Variants in AGBL1 observed in about 807,000 individuals in gnomAD.
The protein encoded by AGBL1 is AGBL carboxypeptidase 1, also known as cytosolic carboxypeptidase 4.
In AGBL1, 130 loss-of-function variants were observed where a neutral mutation model predicts 118.9. The observed-to-expected ratio is 1.09, with a 90% CI of 0.95 to 1.26. The LOEUF (loss-of-function observed/expected upper bound fraction) is 1.26, where lower values mean the gene tolerates loss of function less well. AGBL1 is among the 50% of genes most tolerant of loss of function. AGBL1 has a pLI of 0.00. For synonymous variants in AGBL1, 555 were observed against 478.9 expected (o/e 1.16, Z -2.08); for missense variants, 1,584 against 1,298.1 (o/e 1.22, Z -3.38).
chr15:86,796,073 C>A (rs1287882055), intron 22 of AGBL1, among the ~76,000 whole-genome samples: 1 of 152,070 alleles, frequency 6.6e-6, no homozygotes, highest in African/African-American at 2.4e-5. Flanking sequence ...CTATGAGGCA[C>A]ACATTGGTAC....
chr15:86,084,875 A>G (rs1373470), intron 1 of AGBL1, among the ~76,000 whole-genome samples: 79,857 of 151,598 alleles, frequency 0.53, 22,754 homozygotes, highest in Non-Finnish European at 0.66. Flanking sequence ...TCATCCACCC[A>G]TCCACCTATC....
chr15:86,636,132 G>T (rs1332976411), intron 21 of AGBL1, among the ~76,000 whole-genome samples: 2 of 152,184 alleles, frequency 1.3e-5, no homozygotes, highest in Non-Finnish European at 2.9e-5. Flanking sequence ...AAATATGATG[G>T]AGGGGACTGG....
At chr15:86,221,539 T>C (rs1332112647) in intron 5 of AGBL1, among the ~76,000 whole-genome samples, 1 of 152,206 alleles carries the variant, frequency 6.6e-6, no homozygotes, top group African/African-American at 2.4e-5. Flanking sequence ...GCAGCAATGA[T>C]GAGAGTGGAC....
chr15:86,611,620 C>T (rs55650546), intron 21 of AGBL1, among the ~76,000 whole-genome samples: 2,200 of 152,210 alleles, frequency 0.014, 63 homozygotes, highest in African/African-American at 0.051. Flanking sequence ...ATGTGGAAAT[C>T]TTTGCTGATT....
chr15:86,696,174 G>T (rs975817098), intron 22 of AGBL1, among the ~76,000 whole-genome samples: 1 of 151,902 alleles, frequency 6.6e-6, no homozygotes, highest in African/African-American at 2.4e-5. Context: ...TGCTGTCAGT[G>T]GAGTATTGAA....
intron 1 of AGBL1, among the ~76,000 whole-genome samples, chr15:86,128,349 G>C (rs1466615446): frequency 6.6e-6 from 1 of 152,068 alleles, no homozygotes; most frequent in Non-Finnish European, 1.5e-5. Context: ...CCACCCCCAT[G>C]ATTCAATGAT....
downstream of AGBL1, among the ~76,000 whole-genome samples, chr15:86,917,144 G>A (rs1256634015): frequency 6.6e-6 from 1 of 152,128 alleles, no homozygotes; most frequent in Middle Eastern, 3.2e-3. This position sits in a 1 kb window ranked among gnomAD's most constrained non-coding sequence, Gnocchi z 4.8. Context: ...GGAGTTTGAT[G>A]CCACCCTGGG....
In AGBL1 at chr15:86,996,293, A is replaced by T. The variant is rs550391117; in HGVS notation, c.3323+8205A>T. Among the ~76,000 whole-genome samples the T allele has an allele frequency of 3.9e-5, 6 of 152,312 alleles. No individual in the cohort carries two copies. In the South Asian group the frequency reaches 1.2e-3, roughly 32 times the overall value. ...GCAGCAGATTCTTCCCAGGAATTCC[A>T]GAAACCCATGTCCTGCACCTTTCCA... On this transcript the variant is annotated intron_variant, in intron 24 of 24. Transcript: ENST00000441037.
In AGBL1 at chr15:86,907,484, C is replaced by T. The variant is rs1416971319; in HGVS notation, c.*190C>T. 3 of 152,290 alleles carry T rather than the reference C, an allele frequency of 2.0e-5. No homozygotes were observed. Among genetic ancestry groups the T allele is most frequent in the South Asian group, 2.1e-4 (1 of 4,824 alleles). 9.4% of individuals were successfully genotyped at this position (152,290 alleles called of 1,614,324 possible). A position where few individuals can be genotyped will look rare whatever the true frequency, so the allele number is the denominator to read the frequency against. On this transcript the variant is annotated 3_prime_UTR_variant, in exon 23 of 23. Coordinates refer to ENST00000614907, the MANE Select transcript of AGBL1 (RefSeq NM_001386094.1). ...TGCGTAGAAGCTAGCCACTTTATAA[C>T]ATTTTATATTAGAGTTAGGTAGCCC...
intron 5 of AGBL1, among the ~76,000 whole-genome samples, chr15:86,222,842 C>T (rs1315795045): frequency 6.6e-6 from 1 of 152,126 alleles, no homozygotes; most frequent in Non-Finnish European, 1.5e-5. Context: ...CTGGGAGTCA[C>T]CTTGAATTGC....
chr15:87,028,930 G>A, exon 25 of AGBL1: 1 of 1,412,070 alleles, frequency 7.1e-7, no homozygotes, highest in Non-Finnish European at 1.0e-6. Flanking sequence ...AAACCTTCAA[G>A]ATGTTGTACA....
intron 21 of AGBL1, among the ~76,000 whole-genome samples, chr15:86,565,010 G>A (rs1408451217): frequency 2.6e-5 from 4 of 152,260 alleles, no homozygotes; most frequent in African/African-American, 7.2e-5. Flanking sequence ...CTCTACACTA[G>A]TTATTCTAGT....
At chr15:86,503,958 C>A (rs1213891031) in intron 18 of AGBL1, among the ~76,000 whole-genome samples, 1 of 151,536 alleles carries the variant, frequency 6.6e-6, no homozygotes, top group Non-Finnish European at 1.5e-5. Context: ...TATTGTTATG[C>A]AAATCTTATG....
chr15:86,935,391 A>G (rs111249312), intron 23 of AGBL1, among the ~76,000 whole-genome samples: 4 of 152,342 alleles, frequency 2.6e-5, no homozygotes, highest in African/African-American at 9.6e-5. Context: ...ATTTGCTCAG[A>G]GAAAGGGATG....
intron 22 of AGBL1, among the ~76,000 whole-genome samples, chr15:86,767,794 G>C (rs948259981): frequency 1.3e-5 from 2 of 151,858 alleles, no homozygotes; most frequent in Admixed American, 6.6e-5. Flanking sequence ...TCCTCTTCTT[G>C]TTGTTCTTAC....
rs1555424781 is a variant in AGBL1, at chr15:86,548,663, G to GCACGCA, written c.2817+2533_2817+2534insGCACAC. The stretch of plus-strand genomic sequence containing the variant: ...GATAGCCACACACACACACATGCAC[G>GCACGCA]CACACACACACACACACACACACAC... On this transcript the variant is annotated intron_variant, in intron 20 of 22. Coordinates refer to ENST00000614907, the MANE Select transcript of AGBL1 (RefSeq NM_001386094.1). 8.1e-3 allele frequency among the ~76,000 whole-genome samples: 1,163 copies of GCACGCA among 142,780 alleles called. 8 individuals carry two copies. Among genetic ancestry groups the GCACGCA allele is most frequent in the African/African-American group, 0.015 (589 of 38,606 alleles). 93.7% of individuals were successfully genotyped at this position (142,780 alleles called of 152,430 possible).
At chr15:86,437,900 C>A (rs1416439880) in intron 18 of AGBL1, among the ~76,000 whole-genome samples, 1 of 151,626 alleles carries the variant, frequency 6.6e-6, no homozygotes, top group Non-Finnish European at 1.5e-5. Context: ...CTTTTTTTTC[C>A]CTTCTTTTCT....
chr15:86,406,316 G>A (rs12385949), intron 18 of AGBL1, among the ~76,000 whole-genome samples: 16,194 of 152,220 alleles, frequency 0.11, 1,207 homozygotes, highest in African/African-American at 0.21. Flanking sequence ...AACAACAAGT[G>A]AAAATAAGTG....
intron 1 of AGBL1, chr15:86,083,328 A>C (rs1895417539): frequency 6.6e-6 from 1 of 152,252 alleles, no homozygotes. Context: ...GCTGTCACCC[A>C]GCAGTGTCCC....
Sources: gnomAD v4.1 joint callset for allele counts (sites outside exome capture counted in the v4.1 genomes callset) on GRCh38, gnomAD v4.1.1 for gene constraint, Gnocchi (gnomAD v3.1) non-coding constraint, MANE v1.5 for transcripts, NCBI Gene and HGNC (gene_info 2026-07-23, HGNC 2026-07-21) for gene names.